The following COMMD9 variants were observed in gnomAD, a reference collection of about 807,000 sequenced individuals.
The protein encoded by COMMD9 is COMM domain-containing protein 9.
In COMMD9, 22 loss-of-function variants were observed where a neutral mutation model predicts 23.4. The observed-to-expected ratio is 0.94, with a 90% CI of 0.67 to 1.34. COMMD9 has a LOEUF of 1.34. Among genes scored for constraint, COMMD9 ranks in the 40% most tolerant of loss-of-function variants. The probability of loss-of-function intolerance (pLI) is 0.00; values close to 1 mark genes in which losing one functional copy is unlikely to be tolerated. For synonymous variants in COMMD9, 99 were observed against 97.4 expected (o/e 1.02, Z -0.10); for missense variants, 231 against 240.2 (o/e 0.96, Z 0.25).
chr11:36,274,300 C>T lies in COMMD9; in HGVS notation c.*332G>A, dbSNP rs1367856990. On this transcript the variant is annotated 3_prime_UTR_variant, in exon 6 of 6. Transcript: ENST00000263401. Reference sequence around the variant, plus strand: ...TATTGGATAGGCTGCATGATTTGGGCCTGAATTTCTCAAACAGCTATGCAG... The same window carrying T: ...TATTGGATAGGCTGCATGATTTGGGTCTGAATTTCTCAAACAGCTATGCAG... 7.3e-6 allele frequency: 4 copies of T among 545,976 alleles called. No homozygotes were observed. In the Admixed American group the frequency reaches 8.9e-5, roughly 12 times the overall value. 33.8% of individuals were successfully genotyped at this position (545,976 alleles called of 1,614,324 possible).
At position 36,278,512 on chromosome 11, in the gene COMMD9, G is replaced by A; in HGVS notation, c.282C>T (p.Leu94=). 1.9e-6 allele frequency: 3 copies of A among 1,614,080 alleles called. No individual in the cohort carries two copies. Among genetic ancestry groups the A allele is most frequent in the Non-Finnish European group, 2.5e-6 (3 of 1,179,906 alleles). Residue 94 remains leucine (L), a synonymous_variant, in exon 3 of 6, where the codon CTC becomes CTT. Transcript: ENST00000263401. ...ALFPENFHQN[L]KNLLTKIILE... The stretch of plus-strand genomic sequence containing the variant: ...GGATGATCTTTGTCAGCAGGTTTTT[G>A]AGGTTTTGGTGGAAATTTTCTGGAA...
In COMMD9 at chr11:36,274,578, A is replaced by G. The variant is rs1327289933; in HGVS notation, c.*54T>C. On this transcript the variant is annotated 3_prime_UTR_variant, in exon 6 of 6. Coordinates refer to ENST00000263401, the MANE Select transcript of COMMD9 (RefSeq NM_014186.4). ...AAGGGCAGCCTGCATATGGGGAGAC[A>G]TTTATCACTCATGAGCAGCTGGGTC... 9.3e-6 allele frequency: 15 copies of G among 1,609,376 alleles called. No homozygotes were observed. The highest frequency in any genetic ancestry group is 1.3e-5 in the Non-Finnish European group (15 of 1,177,178).
chr11:36,275,767 CA>C (rs1209643411), intron 5 of COMMD9, among the ~76,000 whole-genome samples: 1 of 151,948 alleles, frequency 6.6e-6, no homozygotes, highest in Admixed American at 6.6e-5. Flanking sequence ...TGAGCAGCCA[CA>C]TTACAAATAA....
chr11:36,283,903 A>G (rs1856106660), intron 1 of COMMD9, among the ~76,000 whole-genome samples: 1 of 152,158 alleles, frequency 6.6e-6, no homozygotes, highest in Admixed American at 6.5e-5. Flanking sequence ...CCAAACGTTT[A>G]AGACCAGGCT....
At chr11:36,278,664 A>AGGGGGCACAAGGCAGGGCC in intron 2 of COMMD9, 48 bp from the exon 3 acceptor site, 1 of 1,598,262 alleles carries the variant, frequency 6.3e-7, no homozygotes, top group Non-Finnish European at 8.5e-7. Context: ...AGCAGCAGGC[A>AGGGGGCACAAGGCAGGGCC]GGGGGCACAA....
chr11:36,278,378 T>C, intron 3 of COMMD9, 99 bp downstream of exon 3: 1 of 1,155,272 alleles, frequency 8.7e-7, no homozygotes, highest in African/African-American at 1.6e-5. Flanking sequence ...CCGGGCTTCC[T>C]AAGTTTTCAA....
chr11:36,287,763 T>G (rs2133438038), intron 1 of COMMD9, among the ~76,000 whole-genome samples: 1 of 152,220 alleles, frequency 6.6e-6, no homozygotes, highest in African/African-American at 2.4e-5. Context: ...TGGGCAATAT[T>G]AAATGAATTG....
At chr11:36,279,289 TA>T (rs1282991561) in intron 2 of COMMD9, among the ~76,000 whole-genome samples, 2 of 152,236 alleles carry the variant, frequency 1.3e-5, no homozygotes, top group African/African-American at 4.8e-5. Context: ...CCCGTCCTGC[TA>T]AAATGCTGTG....
At position 36,274,735 on chromosome 11, in the gene COMMD9, G is replaced by A. The variant is rs1855941300; in HGVS notation, c.494C>T (p.Ser165Phe). ...EDPSLCGDKP[S>F]ISAVTVELSK... ...CAGCTCCACGGTGACAGCTGAGATG[G>A]AGGGTTTGTCTCCGCATAGGCTGGG... Residue 165 changes from serine (S) to phenylalanine (F), a missense_variant, in exon 6 of 6, where the codon TCC becomes TTC. By Grantham distance (155) the Ser-to-Phe change is radical. Transcript: ENST00000263401. 2 of 1,614,284 alleles carry A rather than the reference G, an allele frequency of 1.2e-6. No individual in the cohort carries two copies. Among genetic ancestry groups the A allele is most frequent in the Non-Finnish European group, 1.7e-6 (2 of 1,180,052 alleles).
At chr11:36,275,850 G>C (rs1469251010) in intron 5 of COMMD9, among the ~76,000 whole-genome samples, 13 of 152,138 alleles carry the variant, frequency 8.5e-5, no homozygotes, top group African/African-American at 3.1e-4. Flanking sequence ...TCAAAATCTG[G>C]AAGCACACTA....
Position 36,276,182 on chromosome 11 carries a change from GTC to G in COMMD9, c.409_410del (p.Asp137GlnfsTer61). 1.2e-6 allele frequency: 2 copies of G among 1,614,176 alleles called. No homozygotes were observed. The highest frequency in any genetic ancestry group is 3.3e-5 in the Admixed American group (2 of 60,022). On this transcript the variant is annotated frameshift_variant, in exon 5 of 6. Transcript: ENST00000263401. LOFTEE classifies it high-confidence loss of function. ...TGGGGACGGCCATGCGGCTGATGCT[GTC>G]TGAGGAGGTTTTGATATCCACTCTC... ...DWRVDIKTSS[D>X]SISRMAVPTC...
At chr11:36,286,395 C>A (rs1251499843) in intron 1 of COMMD9, among the ~76,000 whole-genome samples, 248 of 76,854 alleles carry the variant, frequency 3.2e-3, no homozygotes, top group African/African-American at 5.1e-3. Flanking sequence ...ACTAAAAATA[C>A]AAAAAAAAAA....
chr11:36,281,698 A>G (rs954375770), intron 1 of COMMD9, among the ~76,000 whole-genome samples: 8 of 152,250 alleles, frequency 5.3e-5, no homozygotes, highest in African/African-American at 1.9e-4. Flanking sequence ...AAAACATAAA[A>G]TTTAAATAAA....
Position 36,284,104 on chromosome 11 carries a change from T to TCAACAACAACAA in COMMD9, c.52-3279_52-3268dup, listed in dbSNP as rs79468939. ...CTGGGTGACAGAGCGAGACCCTGTC[T>TCAACAACAACAA]CAACAACAACAACAACAACAACAAC... On this transcript the variant is annotated intron_variant, in intron 1 of 5. Coordinates refer to ENST00000263401, the MANE Select transcript of COMMD9 (RefSeq NM_014186.4). Among the ~76,000 whole-genome samples the TCAACAACAACAA allele has an allele frequency of 4.6e-4, 69 of 149,582 alleles. 1 individual carries two copies. The South Asian group carries it at 8.6e-3, about 19-fold the overall frequency.
At chr11:36,285,875 A>C (rs1856143383) in intron 1 of COMMD9, among the ~76,000 whole-genome samples, 1 of 152,202 alleles carries the variant, frequency 6.6e-6, no homozygotes, top group Non-Finnish European at 1.5e-5. Flanking sequence ...TAGGAATAGA[A>C]GAGAACTTCC....
At chr11:36,287,588 T>C (rs1335535296) in intron 1 of COMMD9, among the ~76,000 whole-genome samples, 1 of 151,678 alleles carries the variant, frequency 6.6e-6, no homozygotes, top group Non-Finnish European at 1.5e-5. Flanking sequence ...TTTATAATTA[T>C]CTCATAATAA....
chr11:36,287,662 A>G (rs1856194711), intron 1 of COMMD9, among the ~76,000 whole-genome samples: 1 of 152,088 alleles, frequency 6.6e-6, no homozygotes, highest in Non-Finnish European at 1.5e-5. Flanking sequence ...ATGAAAATCA[A>G]TGAACTACTG....
chr11:36,281,890 A>G (rs1856072500), intron 1 of COMMD9, among the ~76,000 whole-genome samples: 2 of 152,248 alleles, frequency 1.3e-5, no homozygotes, highest in African/African-American at 2.4e-5. Flanking sequence ...ATATGCTTCA[A>G]CAAATAATTA....
At chr11:36,282,893 T>C (rs1013901074) in intron 1 of COMMD9, among the ~76,000 whole-genome samples, 1 of 152,152 alleles carries the variant, frequency 6.6e-6, no homozygotes, top group Non-Finnish European at 1.5e-5. Flanking sequence ...GGGAAGCTGA[T>C]GGTACAGCCC....
Sources: allele counts gnomAD v4.1 joint callset (sites outside exome capture counted in the v4.1 genomes callset), GRCh38; gene constraint gnomAD v4.1.1; transcripts MANE v1.5; gene names NCBI Gene and HGNC (gene_info 2026-07-23, HGNC 2026-07-21).